Variants in C11orf65 observed in about 807,000 individuals in gnomAD.
The protein encoded by C11orf65 is protein MFI.
C11orf65 carries 38 observed loss-of-function variants against 35.3 expected under a neutral mutation model. The observed-to-expected ratio is 1.08, with a 90% CI of 0.83 to 1.41. The LOEUF (loss-of-function observed/expected upper bound fraction) is 1.41, where lower values mean the gene tolerates loss of function less well. Among genes scored for constraint, C11orf65 ranks in the 40% most tolerant of loss-of-function variants. The pLI is 0.00. For missense variants in C11orf65, 370 were observed against 367.1 expected (o/e 1.01, Z -0.06); for synonymous variants, 105 against 114.4 (o/e 0.92, Z 0.53).
chr11:108,317,618 TATATA>T (rs2084820430), intron 6 of C11orf65: 5 of 26,754 alleles, frequency 1.9e-4, no homozygotes, highest in South Asian at 1.5e-3. Flanking sequence ...AGTTGTTTTA[TATATA>T]TATATATATA....
At position 108,315,911 on chromosome 11, in the gene C11orf65, G is replaced by A. The variant is rs139770721; in HGVS notation, c.641-6840C>T. On this transcript the variant is annotated intron_variant, in intron 6 of 6. Transcript: ENST00000525729. ...GGGAAGATGTTACAACCCATTACTA[G>A]GTAAATTGCATTTTTCTAAACAACG... 8.1e-6 allele frequency: 13 copies of A among 1,610,458 alleles called. No homozygotes were observed. Among genetic ancestry groups the A allele is most frequent in the Non-Finnish European group, 1.1e-5 (13 of 1,176,864 alleles).
intron 2 of C11orf65, among the ~76,000 whole-genome samples, chr11:108,350,816 G>A (rs1032056135): frequency 1.3e-5 from 2 of 152,138 alleles, no homozygotes; most frequent in African/African-American, 4.8e-5. Context: ...CATTCAGGTC[G>A]TGCTAAAAGC....
Position 108,310,823 on chromosome 11 carries a change from A to G in C11orf65, c.641-1752T>C, listed in dbSNP as rs1014797291. 2.6e-5 allele frequency among the ~76,000 whole-genome samples: 4 copies of G among 152,188 alleles called. No homozygotes were observed. The East Asian group carries it at 7.7e-4, about 29-fold the overall frequency. ...CTTTATCTACCTATATTTCTAGTGAATTTAATTCGCTTTCCTCTGACTGAG... is the reference window on the plus strand; with the variant it reads ...CTTTATCTACCTATATTTCTAGTGAGTTTAATTCGCTTTCCTCTGACTGAG... On this transcript the variant is annotated intron_variant, in intron 6 of 6. Transcript: ENST00000525729.
chr11:108,415,157 T>C (rs1273558288), intron 3 of C11orf65, among the ~76,000 whole-genome samples: 2 of 152,042 alleles, frequency 1.3e-5, no homozygotes, highest in African/African-American at 4.8e-5. Context: ...TCCTAGCTAA[T>C]GCAATAAGAC....
In C11orf65 at chr11:108,416,409, T is replaced by TG. The variant is rs1400896682; in HGVS notation, c.175-9261dup. 3.9e-5 allele frequency among the ~76,000 whole-genome samples: 6 copies of TG among 152,228 alleles called. No homozygotes were observed. The East Asian group carries it at 1.2e-3, about 29-fold the overall frequency. ...TAAAACAACAATGAGGGCCCGGGCA[T>TG]GGTGGCTCAAGCCTGCAATCACAAC... On this transcript the variant is annotated intron_variant, in intron 3 of 8. Transcript: ENST00000393084.
At chr11:108,408,863 G>A (rs1187089460) in intron 3 of C11orf65, among the ~76,000 whole-genome samples, 1 of 151,706 alleles carries the variant, frequency 6.6e-6, no homozygotes, top group Non-Finnish European at 1.5e-5. Context: ...ATCATATTAG[G>A]TTAGATCAGA....
chr11:108,396,874 TA>T lies in C11orf65; in HGVS notation c.561-3497del, dbSNP rs751412466. On this transcript the variant is annotated intron_variant, in intron 6 of 8. Coordinates refer to ENST00000393084, the MANE Select transcript of C11orf65 (RefSeq NM_152587.5). ...ATAAATAAATAAATAAATAAATAAA[TA>T]AAATAAAATAGTTACTATTATAATT... Among the ~76,000 whole-genome samples the T allele has an allele frequency of 1.2e-3, 172 of 139,354 alleles. 4 individuals are homozygous for T. In the South Asian group the frequency reaches 0.014, roughly 12 times the overall value. The allele number at this position is 139,354 out of a possible 152,430, so 91.4% of individuals were successfully genotyped here.
chr11:108,344,465 C>T (rs2088025505), intron 2 of C11orf65, among the ~76,000 whole-genome samples: 1 of 152,134 alleles, frequency 6.6e-6, no homozygotes, highest in Non-Finnish European at 1.5e-5. Flanking sequence ...TGGAGTGTTG[C>T]TTTATGAAAT....
chr11:108,411,417 A>T (rs2092654510), intron 3 of C11orf65, among the ~76,000 whole-genome samples: 1 of 152,200 alleles, frequency 6.6e-6, no homozygotes, highest in African/African-American at 2.4e-5. Flanking sequence ...TTTTCTGTGC[A>T]CTTAAAAATA....
chr11:108,387,660 T>C (rs2092043569), intron 7 of C11orf65, among the ~76,000 whole-genome samples: 1 of 152,112 alleles, frequency 6.6e-6, no homozygotes. Flanking sequence ...CCTGAATAGA[T>C]GGGACCACAG....
chr11:108,441,935 T>C (rs1034345618), intron 2 of C11orf65, among the ~76,000 whole-genome samples: 5 of 152,166 alleles, frequency 3.3e-5, no homozygotes, highest in African/African-American at 9.7e-5. Context: ...GGAATGCAGC[T>C]CCTTGCCAGC....
chr11:108,350,636 G>A (rs1351949107), intron 2 of C11orf65, among the ~76,000 whole-genome samples: 1 of 152,212 alleles, frequency 6.6e-6, no homozygotes, highest in African/African-American at 2.4e-5. Context: ...CCAACATTCA[G>A]CGAATGTGAG....
At chr11:108,361,787 A>G (rs1431326361) in intron 2 of C11orf65, among the ~76,000 whole-genome samples, 1 of 152,176 alleles carries the variant, frequency 6.6e-6, no homozygotes, top group Non-Finnish European at 1.5e-5. Flanking sequence ...CACCTGATAC[A>G]AAAATTAACT....
chr11:108,445,515 C>A (rs1051321570), intron 2 of C11orf65, among the ~76,000 whole-genome samples: 1 of 152,196 alleles, frequency 6.6e-6, no homozygotes, highest in African/African-American at 2.4e-5. Context: ...CAAACAGGGT[C>A]TGGAGTGGAC....
At chr11:108,421,921 G>A (rs1591518835) in intron 3 of C11orf65, among the ~76,000 whole-genome samples, 1 of 152,098 alleles carries the variant, frequency 6.6e-6, no homozygotes, top group East Asian at 1.9e-4. Flanking sequence ...TTCCAATAAA[G>A]TTGATTCTGA....
chr11:108,369,121 T>G (rs1256945578), intron 2 of C11orf65: 3 of 164,418 alleles, frequency 1.8e-5, no homozygotes, highest in African/African-American at 7.2e-5. Flanking sequence ...CTCATTCACT[T>G]TATTCAAATA....
intron 3 of C11orf65, among the ~76,000 whole-genome samples, chr11:108,407,449 C>A (rs2092562714): frequency 6.6e-6 from 1 of 151,462 alleles, no homozygotes; most frequent in Admixed American, 6.6e-5. Flanking sequence ...ATAGCTGAGA[C>A]TACAGGTGTG....
At chr11:108,312,625 T>A in intron 6 of C11orf65, 2 of 676,840 alleles carry the variant, frequency 3.0e-6, no homozygotes, top group Non-Finnish European at 5.1e-6. Flanking sequence ...AAGCATCATA[T>A]ATATAAAATT....
At chr11:108,454,300 TTC>T (rs2093386807) in intron 2 of C11orf65, among the ~76,000 whole-genome samples, 1 of 148,060 alleles carries the variant, frequency 6.8e-6, no homozygotes, top group Admixed American at 6.7e-5. Flanking sequence ...TATTTGAGTC[TTC>T]TTTTTTTTTT....
Sources: allele counts gnomAD v4.1 joint callset (sites outside exome capture counted in the v4.1 genomes callset), GRCh38; gene constraint gnomAD v4.1.1; transcripts MANE v1.5; gene names NCBI Gene and HGNC (gene_info 2026-07-23, HGNC 2026-07-21).